The following LRRC4C variants were observed in gnomAD, a reference collection of about 807,000 sequenced individuals.
The protein encoded by LRRC4C is leucine-rich repeat-containing protein 4C.
Under a neutral mutation model 33.6 loss-of-function variants are expected in LRRC4C, and 5 were observed. The ratio of observed to expected loss-of-function variants is 0.15; its 90% CI spans 0.08 to 0.31. LRRC4C has a LOEUF of 0.31. Among genes scored for constraint, LRRC4C ranks in the 10% least tolerant of loss-of-function variants. The pLI, the probability that LRRC4C is intolerant of heterozygous loss-of-function variation, is 1.00. For missense variants in LRRC4C, 560 were observed against 796.7 expected, an observed-to-expected ratio of 0.70 and a Z score of 3.58; for synonymous variants, 329 against 302.0, an observed-to-expected ratio of 1.09 and a Z score of -0.93.
At chr11:40,589,371 C>G (rs1958925399) in intron 3 of LRRC4C, among the ~76,000 whole-genome samples, 1 of 152,016 alleles carries the variant, frequency 6.6e-6, no homozygotes, top group Non-Finnish European at 1.5e-5. Flanking sequence ...CTATGTGTGT[C>G]TCTGCACGTG....
At chr11:41,327,360 C>A (rs762311116) in intron 1 of LRRC4C, among the ~76,000 whole-genome samples, 8 of 152,174 alleles carry the variant, frequency 5.3e-5, no homozygotes, top group Non-Finnish European at 8.8e-5. Context: ...ATGCTGAAAA[C>A]ACAACTTTCT....
chr11:40,146,997 A>G (rs984587556), intron 5 of LRRC4C, among the ~76,000 whole-genome samples: 4 of 152,168 alleles, frequency 2.6e-5, no homozygotes, highest in Admixed American at 2.6e-4. Flanking sequence ...CCCTTTTGGG[A>G]AGGACCTAGT....
intron 5 of LRRC4C, among the ~76,000 whole-genome samples, chr11:40,181,480 C>T (rs1434604796): frequency 6.6e-6 from 1 of 152,144 alleles, no homozygotes; most frequent in Non-Finnish European, 1.5e-5. Context: ...ATGGGGTACA[C>T]TACAAATTAG....
At chr11:40,187,317 A>T (rs1175575933) in intron 5 of LRRC4C, among the ~76,000 whole-genome samples, 3 of 151,506 alleles carry the variant, frequency 2.0e-5, no homozygotes, top group Non-Finnish European at 4.4e-5. Context: ...TTCGGGAGAA[A>T]ATTTTCTTTC....
intron 1 of LRRC4C, among the ~76,000 whole-genome samples, chr11:40,943,093 G>A (rs1227006308): frequency 6.6e-6 from 1 of 152,132 alleles, no homozygotes; most frequent in African/African-American, 2.4e-5. Context: ...CTTAAATGCA[G>A]GTAATAATGA....
intron 2 of LRRC4C, among the ~76,000 whole-genome samples, chr11:40,824,941 C>T (rs1466625137): frequency 6.6e-6 from 1 of 151,878 alleles, no homozygotes; most frequent in Non-Finnish European, 1.5e-5. Context: ...GGTCACTGCT[C>T]TTTTACGGTG....
chr11:40,633,347 T>C (rs1269500972), intron 3 of LRRC4C, among the ~76,000 whole-genome samples: 2 of 43,336 alleles, frequency 4.6e-5, no homozygotes, highest in African/African-American at 9.8e-5. Context: ...CTTTCTTTCT[T>C]TCTTTCTTTC....
intron 2 of LRRC4C, among the ~76,000 whole-genome samples, chr11:40,692,334 A>G (rs1945256036): frequency 6.6e-6 from 1 of 152,034 alleles, no homozygotes; most frequent in South Asian, 2.1e-4. Context: ...AGGGAAACAA[A>G]GAGCAGTGTC....
rs1178150067 is a variant in LRRC4C at position 40,114,821 on chromosome 11, G to A, written c.1472C>T (p.Thr491Ile). ...VVDWETTNVT[T>I]SLTPQSTRST... ...CCTTGTGCTCTGTGGTGTGAGAGAG[G>A]TGGTCACATTGGTGGTCTCCCAGTC... The change falls in exon 7 of 7, where the codon ACC becomes ATC. Residue 491 changes from threonine to isoleucine, a missense_variant. Transcript: ENST00000528697. The A allele has an allele frequency of 1.9e-6, 3 of 1,614,142 alleles. No homozygotes were observed. The highest frequency in any genetic ancestry group is 1.7e-5 in the Admixed American group (1 of 60,018).
chr11:40,742,663 G>A (rs1948214650), intron 2 of LRRC4C, among the ~76,000 whole-genome samples: 1 of 151,986 alleles, frequency 6.6e-6, no homozygotes, highest in Non-Finnish European at 1.5e-5. Flanking sequence ...TAAAGAGAAA[G>A]TGAAGTTGTT....
chr11:40,380,019 C>T (rs567484926), intron 3 of LRRC4C, among the ~76,000 whole-genome samples: 12 of 152,214 alleles, frequency 7.9e-5, no homozygotes, highest in Non-Finnish European at 1.8e-4. Context: ...GCCTCTCAGA[C>T]GTCTCACAGA....
intron 1 of LRRC4C, among the ~76,000 whole-genome samples, chr11:41,103,765 G>A (rs533652907): frequency 2.6e-5 from 4 of 152,022 alleles, no homozygotes; most frequent in Middle Eastern, 3.4e-3. Flanking sequence ...AGAGAGTATG[G>A]TGTTTGCATA....
chr11:41,236,446 C>A (rs1460111432), intron 1 of LRRC4C, among the ~76,000 whole-genome samples: 1 of 151,986 alleles, frequency 6.6e-6, no homozygotes, highest in African/African-American at 2.4e-5. Flanking sequence ...CACTTATATA[C>A]CACTAAGCTG....
chr11:40,409,717 A>T (rs1169749906), intron 3 of LRRC4C, among the ~76,000 whole-genome samples: 1 of 152,052 alleles, frequency 6.6e-6, no homozygotes, highest in East Asian at 1.9e-4. Context: ...GCCAACATAA[A>T]AAAGATGAAA....
chr11:40,306,939 T>C (rs1377102), intron 4 of LRRC4C, among the ~76,000 whole-genome samples: 147,376 of 150,784 alleles, frequency 0.98, 72,121 homozygotes, highest in Middle Eastern at 1. Context: ...CAAGGTTATC[T>C]GGTTTTTTTT....
chr11:41,060,882 C>T (rs969678580), intron 1 of LRRC4C, among the ~76,000 whole-genome samples: 2 of 152,024 alleles, frequency 1.3e-5, no homozygotes, highest in African/African-American at 4.8e-5. Flanking sequence ...ACCCGTAACT[C>T]AACCTCTACA....
At chr11:40,626,550 AG>A (rs1262000881) in intron 3 of LRRC4C, among the ~76,000 whole-genome samples, 2 of 152,094 alleles carry the variant, frequency 1.3e-5, no homozygotes, top group African/African-American at 2.4e-5. Context: ...TCTTTTACCA[AG>A]CACTGTGCAA....
chr11:40,188,305 C>T (rs749615322), intron 5 of LRRC4C, among the ~76,000 whole-genome samples: 4 of 152,102 alleles, frequency 2.6e-5, no homozygotes, highest in Non-Finnish European at 4.4e-5. Context: ...TTATTCTATT[C>T]ATCTCTCACA....
chr11:41,214,510 T>C (rs1257416458), intron 1 of LRRC4C, among the ~76,000 whole-genome samples: 1 of 139,368 alleles, frequency 7.2e-6, no homozygotes, highest in African/African-American at 2.7e-5. Context: ...GGCGGGTGGA[T>C]CACGAGGTCA....
Sources: gnomAD v4.1 joint callset for allele counts (sites outside exome capture counted in the v4.1 genomes callset) on GRCh38, gnomAD v4.1.1 for gene constraint, MANE v1.5 for transcripts, NCBI Gene and HGNC (gene_info 2026-07-23, HGNC 2026-07-21) for gene names.